Variants in RGS9 observed in about 807,000 individuals in gnomAD.
The protein encoded by RGS9 is regulator of G-protein signalling 9.
A neutral mutation model predicts 102.0 loss-of-function variants in RGS9; 78 were observed. The ratio of observed to expected loss-of-function variants is 0.76; its 90% CI spans 0.64 to 0.92. The LOEUF (loss-of-function observed/expected upper bound fraction) is 0.92, where lower values mean the gene tolerates loss of function less well. Among genes scored for constraint, RGS9 ranks in the 40% least tolerant of loss-of-function variants. The pLI, the probability that RGS9 is intolerant of heterozygous loss-of-function variation, is 0.00. For missense variants in RGS9, 833 were observed against 866.1 expected (o/e 0.96, Z 0.48); for synonymous variants, 353 against 318.6 (o/e 1.11, Z -1.15).
chr17:65,211,784 T>A (rs1005745555), intron 17 of RGS9, among the ~76,000 whole-genome samples: 3 of 152,246 alleles, frequency 2.0e-5, no homozygotes, highest in Non-Finnish European at 4.4e-5. Context: ...CATCGGTGAA[T>A]AAAACAGACG....
intron 17 of RGS9, among the ~76,000 whole-genome samples, chr17:65,213,284 A>T (rs1913370418): frequency 6.6e-6 from 1 of 152,222 alleles, no homozygotes; most frequent in Non-Finnish European, 1.5e-5. Flanking sequence ...ATGTACATGA[A>T]TTTTTAAAGA....
At chr17:65,217,393 A>G (rs1283461435) in intron 17 of RGS9, among the ~76,000 whole-genome samples, 1 of 152,228 alleles carries the variant, frequency 6.6e-6, no homozygotes, top group African/African-American at 2.4e-5. Context: ...GAGTTGCTGT[A>G]GCATAGCCCA....
chr17:65,184,997 A>T (rs897657988), intron 9 of RGS9, among the ~76,000 whole-genome samples: 1 of 152,012 alleles, frequency 6.6e-6, no homozygotes, highest in African/African-American at 2.4e-5. Flanking sequence ...AGCCTCCAGT[A>T]GTTGCTGGGA....
intron 11 of RGS9, among the ~76,000 whole-genome samples, chr17:65,192,979 G>A (rs1232092565): frequency 6.6e-6 from 1 of 151,860 alleles, no homozygotes; most frequent in African/African-American, 2.4e-5. Flanking sequence ...AATAGATACA[G>A]AAAGGCCGGG....
chr17:65,146,686 G>A (rs1037150938), intron 1 of RGS9, among the ~76,000 whole-genome samples: 16 of 151,810 alleles, frequency 1.1e-4, no homozygotes, highest in Non-Finnish European at 1.9e-4. Context: ...CTTGAGGTCA[G>A]GAGTTTGAGA....
At chr17:65,172,739 A>G (rs936438547) in intron 8 of RGS9, among the ~76,000 whole-genome samples, 3 of 152,070 alleles carry the variant, frequency 2.0e-5, no homozygotes, top group African/African-American at 4.8e-5. Flanking sequence ...AGTAACAAGC[A>G]GAATGCCATG....
In RGS9 at chr17:65,227,265, G is replaced by A. The variant is rs2144139525; in HGVS notation, c.1893-10G>A. 3 of 1,614,102 alleles carry A rather than the reference G, an allele frequency of 1.9e-6. No individual in the cohort carries two copies. Among genetic ancestry groups the A allele is most frequent in the Non-Finnish European group, 2.5e-6 (3 of 1,180,000 alleles). On this transcript the variant is annotated splice_polypyrimidine_tract_variant and intron_variant, in intron 18 of 18. Transcript: ENST00000262406. ...CCCCTACATTACTGGCTTTCCTCTT[G>A]CACCTGAAGCTTTTTCCAGATCAAA...
chr17:65,201,992 GGA>G lies in RGS9; in HGVS notation c.981_982del (p.Asn328SerfsTer86). 1 of 1,609,788 alleles carries G rather than the reference GGA, an allele frequency of 6.2e-7. No homozygotes were observed. ...ATCCACGTGGACTTCTCACCATGCAGGAGAGAATCTGGGATTCTGGGAAGCCT... is the reference window on the plus strand; with the variant it reads ...ATCCACGTGGACTTCTCACCATGCAGGAGAATCTGGGATTCTGGGAAGCCT... ...FQYFLKKEFS[G>X]ENLGFWEACE... On this transcript the variant is annotated frameshift_variant and splice_region_variant, in exon 14 of 19. Transcript: ENST00000262406. LOFTEE classifies it high-confidence loss of function.
chr17:65,227,392 C>T lies in RGS9; in HGVS notation c.2010C>T (p.Pro670=). The change falls in exon 19 of 19, where the codon CCC becomes CCT. Residue 670 remains proline (P), a synonymous_variant. Transcript: ENST00000262406. ...DRATEKEVIC[P]WESL The stretch of plus-strand genomic sequence containing the variant: ...CCACAGAAAAGGAGGTCATCTGCCC[C>T]TGGGAGAGCCTGTAAGGAAAGAGGC... 6.2e-7 allele frequency: 1 copy of T among 1,613,784 alleles called. No individual in the cohort carries two copies. The highest frequency in any genetic ancestry group is 8.5e-7 in the Non-Finnish European group (1 of 1,179,782).
chr17:65,192,201 G>C (rs568925594), intron 11 of RGS9, among the ~76,000 whole-genome samples: 1 of 152,188 alleles, frequency 6.6e-6, no homozygotes. Flanking sequence ...TCATTTGTTT[G>C]TGTTGGGAAC....
intron 1 of RGS9, among the ~76,000 whole-genome samples, chr17:65,152,943 A>G (rs1424754545): frequency 1.3e-5 from 2 of 152,106 alleles, no homozygotes; most frequent in Non-Finnish European, 2.9e-5. Flanking sequence ...CATGGGCCAA[A>G]TTTCCAGAAC....
At chr17:65,141,644 G>A (rs1403627130) in intron 1 of RGS9, among the ~76,000 whole-genome samples, 8 of 152,236 alleles carry the variant, frequency 5.3e-5, no homozygotes, top group Non-Finnish European at 5.9e-5. Context: ...GTATAAACAA[G>A]GAGACAAGAA....
At chr17:65,226,396 C>T (rs6504284) in intron 18 of RGS9, among the ~76,000 whole-genome samples, 9,092 of 152,090 alleles carry the variant, frequency 0.06, 923 homozygotes, top group African/African-American at 0.21. Flanking sequence ...CTGCCTGTGT[C>T]GCTTAGGGGG....
chr17:65,186,924 C>G (rs1243723613), intron 9 of RGS9, among the ~76,000 whole-genome samples: 1 of 152,194 alleles, frequency 6.6e-6, no homozygotes, highest in Non-Finnish European at 1.5e-5. Context: ...ATAACCCACT[C>G]CAGCAAGGCT....
At chr17:65,223,372 T>C (rs1456458098) in intron 17 of RGS9, among the ~76,000 whole-genome samples, 1 of 152,206 alleles carries the variant, frequency 6.6e-6, no homozygotes, top group Non-Finnish European at 1.5e-5. Context: ...GAACAGAATC[T>C]CGTTTGAACT....
chr17:65,188,555 C>T (rs1199307560), intron 9 of RGS9: 2 of 152,358 alleles, frequency 1.3e-5, no homozygotes, highest in African/African-American at 4.8e-5. Context: ...TCCCCTGTAA[C>T]AAAAGAAACC....
Position 65,210,812 on chromosome 17 carries a change from T to C in RGS9, c.1407+207T>C, listed in dbSNP as rs547670653. 212 of 839,504 alleles carry C rather than the reference T, an allele frequency of 2.5e-4. 3 individuals carry two copies. Among genetic ancestry groups the C allele is most frequent in the Non-Finnish European group, 4.9e-5 (27 of 554,546 alleles). The allele number at this position is 839,504 out of a possible 1,614,324, so 52.0% of individuals were successfully genotyped here. A position where few individuals can be genotyped will look rare whatever the true frequency, so the allele number is the denominator to read the frequency against. On this transcript the variant is annotated intron_variant, in intron 17 of 18. Coordinates refer to ENST00000262406, the MANE Select transcript of RGS9 (RefSeq NM_003835.4). ...ACTTTCTTCATGGGGGACTTCCTAA[T>C]ACCACAGCAACCAGAGCTTGTTCTC... is the stretch of plus-strand genomic sequence containing the variant.
At chr17:65,178,125 T>G (rs1299894165) in intron 9 of RGS9, among the ~76,000 whole-genome samples, 1 of 152,154 alleles carries the variant, frequency 6.6e-6, no homozygotes. Context: ...ATGAGCTCAT[T>G]CCACTCAAAG....
chr17:65,158,593 G>A, intron 3 of RGS9: 1 of 578,340 alleles, frequency 1.7e-6, no homozygotes, highest in South Asian at 1.9e-5. Flanking sequence ...AGTCAAGAAA[G>A]TCCTGGAGGG....
Sources: gnomAD v4.1 joint callset for allele counts (sites outside exome capture counted in the v4.1 genomes callset) on GRCh38, gnomAD v4.1.1 for gene constraint, MANE v1.5 for transcripts, NCBI Gene and HGNC (gene_info 2026-07-23, HGNC 2026-07-21) for gene names.